The following PCDHA7 variants were observed in gnomAD, a reference collection of about 807,000 sequenced individuals.
The protein encoded by PCDHA7 is protocadherin alpha 7, also known as protocadherin alpha-7.
In PCDHA7, 37 loss-of-function variants were observed where a neutral mutation model predicts 57.2. The observed-to-expected ratio is 0.65, with a 90% CI of 0.50 to 0.85. The LOEUF is 0.85. PCDHA7 is among the 40% of genes least tolerant of loss of function. PCDHA7 has a pLI of 0.00. For synonymous variants in PCDHA7, 553 were observed against 558.8 expected, an observed-to-expected ratio of 0.99 and a Z score of 0.15; for missense variants, 1,188 against 1,241.8, an observed-to-expected ratio of 0.96 and a Z score of 0.65.
intron 1 of PCDHA7, chr5:140,870,398 C>T: frequency 1.2e-6 from 2 of 1,614,234 alleles, no homozygotes; most frequent in Non-Finnish European, 1.7e-6. Context: ...GGGGGTTCGC[C>T]TTCTCTGTGG....
At chr5:140,967,380 A>C in intron 1 of PCDHA7, 3 of 1,608,302 alleles carry the variant, frequency 1.9e-6, no homozygotes, top group Non-Finnish European at 2.6e-6. Flanking sequence ...GAGAACAGTA[A>C]AGTGCTTGAG....
intron 1 of PCDHA7, among the ~76,000 whole-genome samples, chr5:140,872,710 A>G (rs563009592): frequency 6.5e-4 from 99 of 152,384 alleles, no homozygotes; most frequent in African/African-American, 1.9e-3. Flanking sequence ...AAAGGAAACT[A>G]GGTAAATAAA....
rs149448038 is a variant in PCDHA7 at position 140,843,600 on chromosome 5, C to T, written c.2355+6862C>T. On this transcript the variant is annotated intron_variant, in intron 1 of 3. Coordinates refer to ENST00000525929, the MANE Select transcript of PCDHA7 (RefSeq NM_018910.3). Reference sequence around the variant, plus strand: ...CAACAACAGCCGCAGAGGGTGTGCTCTGGTGAGGGGCCACCGAAGACGGAC... The same window carrying T: ...CAACAACAGCCGCAGAGGGTGTGCTTTGGTGAGGGGCCACCGAAGACGGAC... The T allele has an allele frequency of 1.0e-4, 165 of 1,596,060 alleles. 9 individuals are homozygous for T. The African/African-American group carries it at 2.0e-3, about 20-fold the overall frequency.
chr5:140,915,966 T>C (rs1420384919), intron 1 of PCDHA7, among the ~76,000 whole-genome samples: 1 of 152,160 alleles, frequency 6.6e-6, no homozygotes, highest in Non-Finnish European at 1.5e-5. Flanking sequence ...ATTTGCCTGA[T>C]ATTTTATTTG....
intron 1 of PCDHA7, among the ~76,000 whole-genome samples, chr5:140,920,866 A>G (rs1584205398): frequency 6.6e-6 from 1 of 151,760 alleles, no homozygotes; most frequent in African/African-American, 2.4e-5. Context: ...AAACAAACAA[A>G]CTGTGGCCCT....
intron 1 of PCDHA7, chr5:140,848,650 T>C (rs1343958164): frequency 6.3e-6 from 10 of 1,592,776 alleles, no homozygotes; most frequent in Non-Finnish European, 8.6e-6. Flanking sequence ...GCGCAGGACC[T>C]GGGGCTGGAG....
chr5:140,850,888 A>T, intron 1 of PCDHA7: 1 of 1,581,398 alleles, frequency 6.3e-7, no homozygotes, highest in Non-Finnish European at 8.6e-7. Context: ...TCAACTGGGA[A>T]GGTGGGTTTT....
rs2150219285 is a variant in PCDHA7 at position 140,834,479 on chromosome 5, C to T, written c.96C>T (p.His32=). Residue 32 remains histidine (H), a synonymous_variant, in exon 1 of 4, where the codon CAC becomes CAT. Transcript: ENST00000525929. ...GGGAGGCAGGGAGAGGCCAGCTCCA[C>T]TACTCGGTCCCCGAGGAGGCTAAAC... ...AAWEAGRGQL[H]YSVPEEAKHG... is the part of the protein sequence containing the mutation. 6.2e-7 allele frequency: 1 copy of T among 1,614,178 alleles called. No individual in the cohort carries two copies. The highest frequency in any genetic ancestry group is 1.3e-5 in the African/African-American group (1 of 75,072).
rs1554145927 is a variant in PCDHA7, at chr5:140,852,587, T to TA, written c.2355+15849_2355+15850insA. ...CACTGTGCCAAGGCTTTTTTATTTT[T>TA]TTTTTTTGTCATTTTCTTTCAAAAC... On this transcript the variant is annotated intron_variant, in intron 1 of 3. Coordinates refer to ENST00000525929, the MANE Select transcript of PCDHA7 (RefSeq NM_018910.3). 484 of 881,862 alleles carry TA rather than the reference T, an allele frequency of 5.5e-4. 26 individuals are homozygous for TA. Among genetic ancestry groups the TA allele is most frequent in the African/African-American group, 4.5e-3 (245 of 54,698 alleles). 54.6% of individuals were successfully genotyped at this position (881,862 alleles called of 1,614,324 possible). A position where few individuals can be genotyped will look rare whatever the true frequency, so the allele number is the denominator to read the frequency against.
intron 1 of PCDHA7, chr5:140,870,456 G>T (rs782212198): frequency 6.2e-7 from 1 of 1,614,230 alleles, no homozygotes. Context: ...ACGACAATGC[G>T]CCTGCGTTCG....
chr5:140,884,555 G>A (rs1554181729), intron 1 of PCDHA7: 1 of 1,614,098 alleles, frequency 6.2e-7, no homozygotes. Flanking sequence ...CTCTGGGGAG[G>A]GCCCGCATAA....
intron 1 of PCDHA7, among the ~76,000 whole-genome samples, chr5:140,969,920 A>G (rs1554232150): frequency 6.6e-6 from 1 of 152,226 alleles, no homozygotes; most frequent in African/African-American, 2.4e-5. Flanking sequence ...ATAAAGCTGT[A>G]GTATTTAGAC....
intron 1 of PCDHA7, among the ~76,000 whole-genome samples, chr5:140,873,079 TC>T (rs544069393): frequency 1.1e-4 from 17 of 152,076 alleles, no homozygotes; most frequent in Admixed American, 4.6e-4. Context: ...TCTAGCTATT[TC>T]CCCCCCGTAT....
intron 1 of PCDHA7, among the ~76,000 whole-genome samples, chr5:140,895,416 C>A (rs2065002617): frequency 6.6e-6 from 1 of 152,168 alleles, no homozygotes; most frequent in South Asian, 2.1e-4. Context: ...CCATAACCTT[C>A]TTTTGCTTCC....
chr5:140,892,489 G>A (rs1554185225), intron 1 of PCDHA7, among the ~76,000 whole-genome samples: 1 of 152,180 alleles, frequency 6.6e-6, no homozygotes, highest in Non-Finnish European at 1.5e-5. Context: ...CCAAACATGA[G>A]AGATTGTTTA....
At chr5:140,848,383 C>A in intron 1 of PCDHA7, 1 of 1,197,372 alleles carries the variant, frequency 8.4e-7, no homozygotes, top group Non-Finnish European at 1.2e-6. Flanking sequence ...TTCTTTTTCA[C>A]TCTCTCTGTG....
intron 1 of PCDHA7, among the ~76,000 whole-genome samples, chr5:140,956,672 G>A (rs571890845): frequency 1.3e-5 from 2 of 152,242 alleles, no homozygotes; most frequent in Admixed American, 1.3e-4. Context: ...AAAGGAGTTA[G>A]GGAGGAGTAC....
chr5:140,913,073 G>A (rs529914576), intron 1 of PCDHA7, among the ~76,000 whole-genome samples: 7 of 152,184 alleles, frequency 4.6e-5, no homozygotes, highest in Admixed American at 1.3e-4. Flanking sequence ...ATGTGTCATT[G>A]TTTGGTATCA....
rs555838945 is a variant in PCDHA7, at chr5:140,927,094, G to A, written c.2356-51855G>A. On this transcript the variant is annotated intron_variant, in intron 1 of 3. Coordinates refer to ENST00000525929, the MANE Select transcript of PCDHA7 (RefSeq NM_018910.3). ...CAGCCACCGCGAGCTCTACTTCGGG[G>A]TGGATCTACCCAGCGGCAATTTGGT... 5 of 1,612,890 alleles carry A rather than the reference G, an allele frequency of 3.1e-6. No homozygotes were observed. In the Admixed American group the frequency reaches 8.3e-5, roughly 27 times the overall value.
Sources: gnomAD v4.1 joint callset for allele counts (sites outside exome capture counted in the v4.1 genomes callset) on GRCh38, gnomAD v4.1.1 for gene constraint, MANE v1.5 for transcripts, NCBI Gene and HGNC (gene_info 2026-07-23, HGNC 2026-07-21) for gene names.